The following SLIT3 variants were observed in gnomAD, a reference collection of about 807,000 sequenced individuals.
SLIT3 encodes the protein slit guidance ligand 3, also known as slit homolog 3 protein.
Under a neutral mutation model 184.0 loss-of-function variants are expected in SLIT3, and 68 were observed. That is an observed-to-expected ratio of 0.37 (90% CI 0.30 to 0.45). The LOEUF is 0.45. Ranked by LOEUF, SLIT3 falls within the 20% of genes least tolerant of loss-of-function variation. SLIT3 has a pLI of 1.00. For missense variants in SLIT3, 1,707 were observed against 2,026.0 expected, an observed-to-expected ratio of 0.84 and a Z score of 3.02; for synonymous variants, 831 against 828.6, an observed-to-expected ratio of 1.00 and a Z score of -0.05.
At chr5:169,061,629 T>G (rs767895609) in intron 4 of SLIT3, among the ~76,000 whole-genome samples, 23 of 152,174 alleles carry the variant, frequency 1.5e-4, no homozygotes, top group Non-Finnish European at 2.8e-4. Context: ...CATGCCCAGT[T>G]AGATGCAGGG....
rs539545284 is a variant in SLIT3 at position 168,699,608 on chromosome 5, C to T, written c.2942+974G>A. Among the ~76,000 whole-genome samples the T allele has an allele frequency of 1.7e-4, 26 of 152,290 alleles. No individual in the cohort carries two copies. In the South Asian group the frequency reaches 4.6e-3, roughly 27 times the overall value. ...GAGAAAAACCTAAGTGACTTCTATT[C>T]CCTTTTCTTCTTGAAATGTTAATGT... On this transcript the variant is annotated intron_variant, in intron 27 of 35. Transcript: ENST00000519560.
intron 2 of SLIT3, among the ~76,000 whole-genome samples, chr5:169,249,142 G>T (rs1471662134): frequency 6.6e-6 from 1 of 152,180 alleles, no homozygotes. Flanking sequence ...GAAAAATATG[G>T]TAAAAATGTC....
Position 169,300,630 on chromosome 5 carries a change from C to G in SLIT3, c.80G>C (p.Ser27Thr). The change falls in exon 1 of 36, where the codon AGT becomes ACT. Residue 27 changes from serine (S) to threonine (T), a missense_variant. Physicochemically the swap from Ser to Thr is moderately conservative, Grantham distance 58. Coordinates refer to ENST00000519560, the MANE Select transcript of SLIT3 (RefSeq NM_003062.4). This position sits in a 1 kb window ranked among gnomAD's most constrained non-coding sequence, Gnocchi z 4.1. The part of the protein sequence containing the change: ...ALALALASVL[S>T]GPPAVACPTK... ...GGGGCAGGCGACGGCTGGAGGCCCACTCAGGACGCTCGCCAGCGCCAAGGC... is the reference window on the plus strand; with the variant it reads ...GGGGCAGGCGACGGCTGGAGGCCCAGTCAGGACGCTCGCCAGCGCCAAGGC... 1.5e-5 allele frequency: 23 copies of G among 1,493,582 alleles called. No homozygotes were observed. Among genetic ancestry groups the G allele is most frequent in the Non-Finnish European group, 2.0e-5 (23 of 1,126,858 alleles). The allele number at this position is 1,493,582 out of a possible 1,614,324, so 92.5% of individuals were successfully genotyped here. A position where few individuals can be genotyped will look rare whatever the true frequency, so the allele number is the denominator to read the frequency against.
At chr5:168,828,670 AG>A (rs1006451645) in intron 6 of SLIT3, among the ~76,000 whole-genome samples, 15 of 147,442 alleles carry the variant, frequency 1.0e-4, no homozygotes, top group Non-Finnish European at 2.2e-4. Context: ...AAAAAAAAAA[AG>A]AAAAAAGAAA....
Position 168,732,055 on chromosome 5 carries a change from T to C in SLIT3, c.2271-7571A>G, listed in dbSNP as rs182635055. On this transcript the variant is annotated intron_variant, in intron 20 of 35. Transcript: ENST00000519560. ...ATCTAGAAAATAAACACTAAATACT[T>C]GACCAAAAAACTGTTAGACTTAATA... Among the ~76,000 whole-genome samples, 361 of 152,118 alleles carry C rather than the reference T, an allele frequency of 2.4e-3. 3 individuals are homozygous for C. The highest frequency in any genetic ancestry group is 6.0e-3 in the Admixed American group (91 of 15,286).
At chr5:169,276,164 T>C (rs1203882406) in intron 1 of SLIT3, among the ~76,000 whole-genome samples, 1 of 151,842 alleles carries the variant, frequency 6.6e-6, no homozygotes, top group African/African-American at 2.4e-5. Flanking sequence ...TGAAAGAGGG[T>C]TTCTGGCCCA....
chr5:168,901,317 T>C (rs1431490685), intron 4 of SLIT3, among the ~76,000 whole-genome samples: 1 of 152,082 alleles, frequency 6.6e-6, no homozygotes, highest in Admixed American at 6.6e-5. Context: ...TGAGCTGAGA[T>C]GACACCACTG....
In SLIT3 at chr5:169,038,743, C is replaced by T. The variant is rs116652864; in HGVS notation, c.413+154736G>A. Among the ~76,000 whole-genome samples the T allele has an allele frequency of 4.2e-3, 637 of 150,888 alleles. 8 individuals carry two copies. Among genetic ancestry groups the T allele is most frequent in the African/African-American group, 0.015 (608 of 40,590 alleles). On this transcript the variant is annotated intron_variant, in intron 4 of 35. Transcript: ENST00000519560. ...GATGGGATTCAGGTACAGGACTGTCCGGCTCCACAGCCTGCGTTCTATGGC... is the reference window on the plus strand; with the variant it reads ...GATGGGATTCAGGTACAGGACTGTCTGGCTCCACAGCCTGCGTTCTATGGC...
intron 26 of SLIT3, among the ~76,000 whole-genome samples, chr5:168,705,438 T>TATC (rs935670553): frequency 6.6e-6 from 1 of 152,100 alleles, no homozygotes; most frequent in Non-Finnish European, 1.5e-5. Flanking sequence ...TTATCATAGT[T>TATC]ATCATCATCA....
intron 1 of SLIT3, among the ~76,000 whole-genome samples, chr5:169,261,986 T>A (rs911391800): frequency 4.6e-5 from 7 of 152,202 alleles, no homozygotes; most frequent in African/African-American, 1.2e-4. Context: ...AGCAGGAACC[T>A]GAAGCCTTCT....
intron 4 of SLIT3, among the ~76,000 whole-genome samples, chr5:169,172,755 G>C (rs1408443758): frequency 6.6e-6 from 1 of 152,054 alleles, no homozygotes; most frequent in Non-Finnish European, 1.5e-5. Flanking sequence ...AAATATTTTA[G>C]CGCTGTACTA....
intron 4 of SLIT3, among the ~76,000 whole-genome samples, chr5:168,973,899 G>C: frequency 6.6e-6 from 1 of 152,124 alleles, no homozygotes; most frequent in East Asian, 1.9e-4. Context: ...TATAAATTCT[G>C]GACATTTATA....
intron 4 of SLIT3, among the ~76,000 whole-genome samples, chr5:169,095,750 C>T (rs1759753421): frequency 2.0e-5 from 3 of 152,244 alleles, no homozygotes; most frequent in African/African-American, 7.2e-5. Flanking sequence ...GGCCTCACTG[C>T]CTTTCCAGCC....
intron 3 of SLIT3, among the ~76,000 whole-genome samples, chr5:169,221,028 G>GCC (rs1764605025): frequency 6.6e-6 from 1 of 152,138 alleles, no homozygotes; most frequent in South Asian, 2.1e-4. Context: ...CCCATGATGT[G>GCC]CCCTCAGGCT....
At chr5:169,152,538 A>C (rs1375606119) in intron 4 of SLIT3, among the ~76,000 whole-genome samples, 1 of 152,184 alleles carries the variant, frequency 6.6e-6, no homozygotes, top group Non-Finnish European at 1.5e-5. Context: ...GATGACTTGC[A>C]GCATTTTGCG....
Position 168,671,528 on chromosome 5 carries a change from C to T in SLIT3, c.3842-45G>A, listed in dbSNP as rs200853978. 16 of 1,570,616 alleles carry T rather than the reference C, an allele frequency of 1.0e-5. No homozygotes were observed. In the East Asian group the frequency reaches 3.2e-4, roughly 31 times the overall value. Reference sequence around the variant, plus strand: ...ACAGTGGCCTGAAGACCCTCCCCTGCCACCCTGCTGTCCTCAGAGCGAAAA... The same window carrying T: ...ACAGTGGCCTGAAGACCCTCCCCTGTCACCCTGCTGTCCTCAGAGCGAAAA... On this transcript the variant is annotated intron_variant, in intron 33 of 35. Coordinates refer to ENST00000519560, the MANE Select transcript of SLIT3 (RefSeq NM_003062.4).
chr5:169,133,925 CCAAA>C (rs1256611520), intron 4 of SLIT3, among the ~76,000 whole-genome samples: 1 of 152,162 alleles, frequency 6.6e-6, no homozygotes, highest in Non-Finnish European at 1.5e-5. Context: ...TGTGTATATG[CCAAA>C]CAAATTGCTG....
At chr5:168,998,404 A>G (rs1755585111) in intron 4 of SLIT3, among the ~76,000 whole-genome samples, 1 of 152,144 alleles carries the variant, frequency 6.6e-6, no homozygotes, top group Non-Finnish European at 1.5e-5. Context: ...GTAAACTTTG[A>G]AGGTTAGAAC....
intron 5 of SLIT3, among the ~76,000 whole-genome samples, chr5:168,874,182 G>A (rs879599633): frequency 1.3e-4 from 20 of 151,996 alleles, no homozygotes; most frequent in Admixed American, 2.0e-4. Context: ...AAAAAAATTC[G>A]TCCACAAATC....
Sources: allele counts gnomAD v4.1 joint callset (sites outside exome capture counted in the v4.1 genomes callset), GRCh38; gene constraint gnomAD v4.1.1; non-coding constraint Gnocchi (gnomAD v3.1); transcripts MANE v1.5; gene names NCBI Gene and HGNC (gene_info 2026-07-23, HGNC 2026-07-21).